KAT6B: variants seen among roughly 807,000 people sequenced by gnomAD.
KAT6B encodes the protein lysine acetyltransferase 6B.
A neutral mutation model predicts 187.5 loss-of-function variants in KAT6B; 10 were observed. The observed-to-expected ratio is 0.05, with a 90% CI of 0.03 to 0.09. The LOEUF is 0.09. Ranked by LOEUF, KAT6B falls within the 10% of genes least tolerant of loss-of-function variation. The probability of loss-of-function intolerance (pLI) is 1.00; values close to 1 mark genes in which losing one functional copy is unlikely to be tolerated. For synonymous variants in KAT6B, 861 were observed against 926.8 expected, an observed-to-expected ratio of 0.93 and a Z score of 1.29; for missense variants, 1,952 against 2,558.9, an observed-to-expected ratio of 0.76 and a Z score of 5.12.
chr10:74,845,216 TAAAG>T (rs1193980533), intron 3 of KAT6B, among the ~76,000 whole-genome samples: 1 of 141,604 alleles, frequency 7.1e-6, no homozygotes, highest in Non-Finnish European at 1.5e-5. Flanking sequence ...GTCCCAAAGA[TAAAG>T]AAAGGAAGAA....
intron 13 of KAT6B, among the ~76,000 whole-genome samples, chr10:75,010,110 G>GCTGCA (rs1471155961): frequency 3.9e-5 from 6 of 152,182 alleles, no homozygotes; most frequent in Non-Finnish European, 8.8e-5. Flanking sequence ...GTGCCTTTGT[G>GCTGCA]CTGCACAGCT....
chr10:74,975,594 C>T lies in KAT6B; in HGVS notation c.1257C>T (p.Tyr419=). Residue 419 remains tyrosine (Y), a synonymous_variant, in exon 8 of 18, where the codon TAC becomes TAT. Coordinates refer to ENST00000287239, the MANE Select transcript of KAT6B (RefSeq NM_012330.4). Reference sequence around the variant, plus strand: ...CCAAAATCACCACCACCTCCACCTACATTTCTGCCTCTACACTTAAAGTTA... The same window carrying T: ...CCAAAATCACCACCACCTCCACCTATATTTCTGCCTCTACACTTAAAGTTA... The part of the protein sequence containing the change: ...ATTKITTTST[Y]ISASTLKVNK... The T allele has an allele frequency of 6.2e-7, 1 of 1,614,174 alleles. No homozygotes were observed.
At chr10:74,986,924 A>G (rs1180111961) in intron 12 of KAT6B, among the ~76,000 whole-genome samples, 5 of 152,198 alleles carry the variant, frequency 3.3e-5, no homozygotes, top group Admixed American at 6.5e-5. Flanking sequence ...GCTGCTGAGT[A>G]GCAGCCATGT....
chr10:74,999,926 GCA>G (rs1205199577), intron 13 of KAT6B, among the ~76,000 whole-genome samples: 1 of 152,228 alleles, frequency 6.6e-6, no homozygotes, highest in Non-Finnish European at 1.5e-5. Flanking sequence ...TGTAATCCCA[GCA>G]CTTTGGGAGT....
At position 74,975,910 on chromosome 10, in the gene KAT6B, C is replaced by G. The variant is rs1264725386; in HGVS notation, c.1573C>G (p.Gln525Glu). 6.2e-7 allele frequency: 1 copy of G among 1,614,142 alleles called. No homozygotes were observed. Among genetic ancestry groups the G allele is most frequent in the East Asian group, 2.2e-5 (1 of 44,872 alleles). ...SSPSPQSSSS[Q>E]CSVPSLSSLT... ...TCCCTCTCCCCAGAGTTCTTCCAGC[C>G]AGTGCAGTGTGCCCTCCCTGAGCAG... Residue 525 changes from glutamine (Q) to glutamate (E), a missense_variant, in exon 8 of 18, where the codon CAG becomes GAG. Coordinates refer to ENST00000287239, the MANE Select transcript of KAT6B (RefSeq NM_012330.4).
chr10:74,848,190 A>AT, intron 3 of KAT6B, among the ~76,000 whole-genome samples: 1 of 152,146 alleles, frequency 6.6e-6, no homozygotes, highest in Non-Finnish European at 1.5e-5. Flanking sequence ...AAGTGCTGGG[A>AT]TTATAGGCAT....
intron 4 of KAT6B, among the ~76,000 whole-genome samples, chr10:74,968,743 G>A (rs1321174564): frequency 6.6e-6 from 1 of 152,120 alleles, no homozygotes; most frequent in Non-Finnish European, 1.5e-5. Flanking sequence ...ATCTCTTCGG[G>A]TTTATGTGAT....
intron 3 of KAT6B, among the ~76,000 whole-genome samples, chr10:74,922,725 T>G (rs1848225010): frequency 1.3e-5 from 2 of 152,392 alleles, no homozygotes; most frequent in South Asian, 4.1e-4. Flanking sequence ...GTATGTGTGT[T>G]TGTTTTACAT....
chr10:74,874,758 G>A (rs1042579934), intron 3 of KAT6B, among the ~76,000 whole-genome samples: 1 of 152,108 alleles, frequency 6.6e-6, no homozygotes, highest in Non-Finnish European at 1.5e-5. Context: ...TGTGTGCAGG[G>A]TTAGAAGTTA....
intron 7 of KAT6B, among the ~76,000 whole-genome samples, chr10:74,974,775 A>G (rs959479045): frequency 1.3e-5 from 2 of 152,168 alleles, no homozygotes; most frequent in East Asian, 1.9e-4. Flanking sequence ...TTTTTCAGCA[A>G]TATTTTATGC....
At chr10:74,949,522 A>C (rs1216436982) in intron 3 of KAT6B, among the ~76,000 whole-genome samples, 1 of 152,244 alleles carries the variant, frequency 6.6e-6, no homozygotes, top group Non-Finnish European at 1.5e-5. Flanking sequence ...TTTCCTTCCA[A>C]TAGAATCACT....
At chr10:75,027,914 G>A (rs1845997600) in intron 17 of KAT6B, among the ~76,000 whole-genome samples, 1 of 152,042 alleles carries the variant, frequency 6.6e-6, no homozygotes, top group Non-Finnish European at 1.5e-5. Flanking sequence ...TTTGTTTTGG[G>A]TATTTAGTTA....
intron 3 of KAT6B, among the ~76,000 whole-genome samples, chr10:74,910,715 G>T (rs1847142200): frequency 6.6e-6 from 1 of 151,750 alleles, no homozygotes; most frequent in South Asian, 2.1e-4. Context: ...AACCTCCCTG[G>T]TAATTCCTCT....
chr10:74,999,899 G>A (rs182478092), intron 13 of KAT6B, among the ~76,000 whole-genome samples: 129 of 152,334 alleles, frequency 8.5e-4, no homozygotes, highest in African/African-American at 3.0e-3. Flanking sequence ...GTTTGGTTGG[G>A]CGTAGCGTCT....
chr10:74,859,375 G>A (rs1035261587), intron 3 of KAT6B, among the ~76,000 whole-genome samples: 11 of 152,110 alleles, frequency 7.2e-5, no homozygotes, highest in African/African-American at 2.4e-4. Flanking sequence ...GTGAGCCACT[G>A]TGCCCAGCAT....
chr10:74,981,746 TA>T, intron 10 of KAT6B, 40 bp from the exon 11 acceptor site: 1 of 1,323,500 alleles, frequency 7.6e-7, no homozygotes, highest in Non-Finnish European at 1.1e-6. Flanking sequence ...CCCAACAGTA[TA>T]ATCTATCTGA....
intron 9 of KAT6B, 34 bp from the exon 10 acceptor site, chr10:74,979,190 A>G (rs780486566): frequency 7.0e-7 from 1 of 1,425,322 alleles, no homozygotes; most frequent in South Asian, 1.2e-5. Flanking sequence ...TGAAGTATAT[A>G]TATTATTATT....
At chr10:74,835,072 A>G (rs1198827322) in intron 1 of KAT6B, among the ~76,000 whole-genome samples, 1 of 152,204 alleles carries the variant, frequency 6.6e-6, no homozygotes, top group Non-Finnish European at 1.5e-5. Flanking sequence ...TTTATAGTCT[A>G]GTAGGGGTGA....
intron 12 of KAT6B, among the ~76,000 whole-genome samples, 170 bp downstream of exon 12, chr10:74,985,411 A>G (rs1482677996): frequency 1.3e-5 from 2 of 152,258 alleles, no homozygotes; most frequent in African/African-American, 4.8e-5. Context: ...AACAAAAAAC[A>G]TGGTGCCTAG....
Sources: gnomAD v4.1 joint callset for allele counts (sites outside exome capture counted in the v4.1 genomes callset) on GRCh38, gnomAD v4.1.1 for gene constraint, MANE v1.5 for transcripts, NCBI Gene and HGNC (gene_info 2026-07-23, HGNC 2026-07-21) for gene names.